The following R3HDM1 variants were observed in gnomAD, a reference collection of about 807,000 sequenced individuals.
The protein encoded by R3HDM1 is R3H domain-containing protein 1.
R3HDM1 carries 46 observed loss-of-function variants against 141.1 expected under a neutral mutation model. The ratio of observed to expected loss-of-function variants is 0.33; its 90% CI spans 0.26 to 0.42. The LOEUF (loss-of-function observed/expected upper bound fraction) is 0.42. Ranked by LOEUF, R3HDM1 falls within the 10% of genes least tolerant of loss-of-function variation. R3HDM1 has a pLI of 1.00. For missense variants in R3HDM1, 1,184 were observed against 1,368.3 expected, an observed-to-expected ratio of 0.87 and a Z score of 2.12; for synonymous variants, 435 against 472.9, an observed-to-expected ratio of 0.92 and a Z score of 1.04.
intron 17 of R3HDM1, 27 bp downstream of exon 17, chr2:135,650,030 G>T: frequency 8.3e-7 from 1 of 1,203,682 alleles, no homozygotes; most frequent in South Asian, 1.6e-5. Flanking sequence ...CACCTCCTGC[G>T]TTGTTTCTGT....
intron 1 of R3HDM1, among the ~76,000 whole-genome samples, chr2:135,560,759 A>T (rs1403692270): frequency 6.6e-6 from 1 of 152,186 alleles, no homozygotes; most frequent in East Asian, 1.9e-4. Context: ...GGAACAGTAC[A>T]CTTCCCAGTC....
intron 1 of R3HDM1, among the ~76,000 whole-genome samples, chr2:135,560,107 G>A (rs2104956504): frequency 6.6e-6 from 1 of 152,298 alleles, no homozygotes; most frequent in East Asian, 1.9e-4. Flanking sequence ...GTTGGCGCAT[G>A]TATATATTAT....
chr2:135,547,767 C>CTTTTTTT (rs56950620), intron 1 of R3HDM1, among the ~76,000 whole-genome samples: 66 of 107,350 alleles, frequency 6.1e-4, no homozygotes, highest in Non-Finnish European at 7.1e-4. Context: ...TTTTTCTTTT[C>CTTTTTTT]TTTTTTTTTT....
intron 24 of R3HDM1, among the ~76,000 whole-genome samples, chr2:135,718,894 T>A (rs2076418906): frequency 6.6e-6 from 1 of 152,088 alleles, no homozygotes; most frequent in Non-Finnish European, 1.5e-5. Context: ...ACACCTGTAA[T>A]CCCAGCCCTT....
chr2:135,719,968 C>T (rs2076547835), intron 24 of R3HDM1, among the ~76,000 whole-genome samples: 1 of 152,120 alleles, frequency 6.6e-6, no homozygotes, highest in Non-Finnish European at 1.5e-5. Flanking sequence ...GCCTCAGCCT[C>T]CCAAGTAGCT....
Position 135,674,943 on chromosome 2 carries a change from T to G in R3HDM1, c.2153-389T>G, listed in dbSNP as rs368502482. Among the ~76,000 whole-genome samples the G allele has an allele frequency of 6.6e-5, 10 of 152,034 alleles. No individual in the cohort carries two copies. In the East Asian group the frequency reaches 7.7e-4, roughly 12 times the overall value. The stretch of plus-strand genomic sequence containing the variant: ...TGAAATTCTTAATAGTTGTTGTTTT[T>G]TTTTTTTTTTAACAAAGGGCCCTAC... On this transcript the variant is annotated intron_variant, in intron 19 of 26. Transcript: ENST00000683871.
At chr2:135,715,769 T>G in intron 24 of R3HDM1, 75 bp downstream of exon 24, 1 of 1,504,988 alleles carries the variant, frequency 6.6e-7, no homozygotes, top group Non-Finnish European at 9.0e-7. Context: ...TAATTTATCT[T>G]GGTAATATTG....
At chr2:135,537,889 G>GT (rs1450615603) in intron 1 of R3HDM1, among the ~76,000 whole-genome samples, 1 of 151,960 alleles carries the variant, frequency 6.6e-6, no homozygotes, top group Admixed American at 6.6e-5. Context: ...GTATCTGTTT[G>GT]TTTTTTACTG....
chr2:135,614,464 C>T (rs969595776), intron 3 of R3HDM1, among the ~76,000 whole-genome samples: 2 of 152,152 alleles, frequency 1.3e-5, no homozygotes, highest in South Asian at 2.1e-4. Context: ...TTGTTAGCTA[C>T]GCTTTCACTG....
At chr2:135,620,809 A>T (rs2061448601) in intron 5 of R3HDM1, 2 of 225,366 alleles carry the variant, frequency 8.9e-6, no homozygotes, top group Non-Finnish European at 1.5e-5. Flanking sequence ...ATGTAATGGC[A>T]TTGTTTTTAA....
intron 9 of R3HDM1, among the ~76,000 whole-genome samples, chr2:135,634,789 C>T (rs998881205): frequency 6.6e-6 from 1 of 152,100 alleles, no homozygotes; most frequent in Non-Finnish European, 1.5e-5. Context: ...TAAAAACTAC[C>T]TAGGAGTTCA....
chr2:135,674,812 C>T (rs2068900123), intron 19 of R3HDM1, among the ~76,000 whole-genome samples: 1 of 152,030 alleles, frequency 6.6e-6, no homozygotes, highest in Non-Finnish European at 1.5e-5. Context: ...TGGCTCTCTC[C>T]CCTGCCTTTT....
At chr2:135,680,450 A>T (rs181745063) in intron 21 of R3HDM1, 126 bp downstream of exon 21, 1 of 1,075,284 alleles carries the variant, frequency 9.3e-7, no homozygotes, top group East Asian at 2.5e-5. Flanking sequence ...GAATAGAAAA[A>T]AACTATAATA....
intron 15 of R3HDM1, among the ~76,000 whole-genome samples, chr2:135,643,062 G>A (rs1247876609): frequency 2.0e-5 from 3 of 152,128 alleles, no homozygotes; most frequent in African/African-American, 7.2e-5. Flanking sequence ...GGAAGGGATA[G>A]AGTGAGAAAC....
At chr2:135,630,299 A>AAAAAAAC (rs2062561578) in intron 7 of R3HDM1, among the ~76,000 whole-genome samples, 1 of 146,634 alleles carries the variant, frequency 6.8e-6, no homozygotes, top group African/African-American at 2.7e-5. Context: ...AAAAAAAAAA[A>AAAAAAAC]AAAAAAAAAC....
At position 135,682,992 on chromosome 2, in the gene R3HDM1, G is replaced by C. The variant is rs929072952; in HGVS notation, c.2459+2668G>C. Among the ~76,000 whole-genome samples the C allele has an allele frequency of 1.1e-3, 167 of 151,906 alleles. 1 individual carries two copies. Among genetic ancestry groups the C allele is most frequent in the African/African-American group, 3.8e-3 (159 of 41,436 alleles). ...AGCCTGGGCAACAGAGGGAGACTCT[G>C]CCTCAAAAAAATAAAATAAAAAAAG... On this transcript the variant is annotated intron_variant, in intron 21 of 26. Coordinates refer to ENST00000683871, the MANE Select transcript of R3HDM1 (RefSeq NM_001378107.1).
At chr2:135,623,849 T>C (rs1467136693) in intron 7 of R3HDM1, among the ~76,000 whole-genome samples, 1 of 152,128 alleles carries the variant, frequency 6.6e-6, no homozygotes, top group Non-Finnish European at 1.5e-5. Context: ...ATAAAACAAA[T>C]GTAAAAGAGG....
At chr2:135,660,311 C>G (rs952171761) in intron 18 of R3HDM1, among the ~76,000 whole-genome samples, 1 of 152,040 alleles carries the variant, frequency 6.6e-6, no homozygotes, top group African/African-American at 2.4e-5. Flanking sequence ...GGATAGGGCC[C>G]AAAGTCTAAA....
At chr2:135,585,112 G>C (rs1380330842) in intron 1 of R3HDM1, among the ~76,000 whole-genome samples, 1 of 152,170 alleles carries the variant, frequency 6.6e-6, no homozygotes, top group Non-Finnish European at 1.5e-5. Flanking sequence ...AGGTAAATCA[G>C]CGGGAAGCTT....
Sources: allele counts gnomAD v4.1 joint callset (sites outside exome capture counted in the v4.1 genomes callset), GRCh38; gene constraint gnomAD v4.1.1; transcripts MANE v1.5; gene names NCBI Gene and HGNC (gene_info 2026-07-23, HGNC 2026-07-21).